Variants in TMEM101 observed in about 807,000 individuals in gnomAD.
TMEM101 encodes the protein putative NF-kappa-B-activating protein 130.
Under a neutral mutation model 26.0 loss-of-function variants are expected in TMEM101, and 14 were observed. The observed-to-expected ratio is 0.54, with a 90% confidence interval of 0.36 to 0.84. The LOEUF is 0.84. Ranked by LOEUF, TMEM101 falls within the 40% of genes least tolerant of loss-of-function variation. TMEM101 has a pLI of 0.01. For missense variants in TMEM101, 292 were observed against 345.1 expected (o/e 0.85, Z 1.22); for synonymous variants, 152 against 145.1 (o/e 1.05, Z -0.34).
chr17:44,019,790 C>A (rs1449931020), upstream of TMEM101, among the ~76,000 whole-genome samples: 1 of 152,176 alleles, frequency 6.6e-6, no homozygotes. Context: ...ATTACAGATA[C>A]AGGGTAAGCA....
rs751987845 is a variant in TMEM101 at position 44,012,540 on chromosome 17, G to A, written c.466-304C>T. On this transcript the variant is annotated intron_variant, in intron 3 of 3. Coordinates refer to ENST00000206380, the MANE Select transcript of TMEM101 (RefSeq NM_032376.4). ...AGAGAGCTGTACAGAGATATACTCGGTAATTAAGATAAGACCTAATGGCCT... is the reference window on the plus strand; with the variant it reads ...AGAGAGCTGTACAGAGATATACTCGATAATTAAGATAAGACCTAATGGCCT... The A allele has an allele frequency of 1.2e-4, 49 of 419,572 alleles. 1 individual carries two copies. The highest frequency in any genetic ancestry group is 1.1e-4 in the Non-Finnish European group (26 of 236,666). 26.0% of individuals were successfully genotyped at this position (419,572 alleles called of 1,614,324 possible).
At position 44,014,935 on chromosome 17, in the gene TMEM101, A is replaced by G. The variant is rs2049211676; in HGVS notation, c.18T>C (p.Gly6=). ...TCAGCTGCAACATCCACCGTCTCGA[A>G]CCTATCTTCGACGCCATCTTGGGAA... MASKI[G]SRRWMLQLIM... The change falls in exon 1 of 4, where the codon GGT becomes GGC. Residue 6 remains glycine, a synonymous_variant. Coordinates refer to ENST00000206380, the MANE Select transcript of TMEM101 (RefSeq NM_032376.4). 3.7e-6 allele frequency: 6 copies of G among 1,612,700 alleles called. No individual in the cohort carries two copies. Among genetic ancestry groups the G allele is most frequent in the Non-Finnish European group, 5.1e-6 (6 of 1,179,242 alleles).
At chr17:44,012,287 T>C (rs2049170908) in intron 3 of TMEM101, 51 bp from the exon 4 acceptor site, 1 of 1,532,804 alleles carries the variant, frequency 6.5e-7, no homozygotes, top group South Asian at 1.2e-5. Context: ...GAAGCCTGTC[T>C]GGGGTAAACC....
chr17:44,021,642 T>A (rs2144040424), intron 1 of TMEM101, among the ~76,000 whole-genome samples: 1 of 152,362 alleles, frequency 6.6e-6, no homozygotes, highest in Admixed American at 6.5e-5. Context: ...CAAATCCCTC[T>A]GGCCTCCTCC....
chr17:44,012,301 CCT>C (rs2049171097), intron 3 of TMEM101, 65 bp from the exon 4 acceptor site: 4 of 1,477,372 alleles, frequency 2.7e-6, no homozygotes, highest in East Asian at 2.3e-5. Flanking sequence ...GTAAACCACC[CCT>C]GAGATGGCAC....
chr17:44,014,796 G>A lies in TMEM101; in HGVS notation c.137+20C>T. 1 of 1,539,832 alleles carries A rather than the reference G, an allele frequency of 6.5e-7. No individual in the cohort carries two copies. Among genetic ancestry groups the A allele is most frequent in the Non-Finnish European group, 8.8e-7 (1 of 1,141,296 alleles). ...ATCACCGCCCCCTGCCGCGTTTAGC[G>A]GCTGCGTAGGCCTGCTCACCGGCGT... On this transcript the variant is annotated intron_variant, in intron 1 of 3. Coordinates refer to ENST00000206380, the MANE Select transcript of TMEM101 (RefSeq NM_032376.4).
chr17:44,016,685 T>C (rs545581108), upstream of TMEM101, among the ~76,000 whole-genome samples: 7 of 152,314 alleles, frequency 4.6e-5, no homozygotes, highest in African/African-American at 1.2e-4. Context: ...CTGCCCAGCA[T>C]TGTAAGAGAA....
At chr17:44,023,021 A>G (rs902159835) in intron 1 of TMEM101, 8 of 287,006 alleles carry the variant, frequency 2.8e-5, no homozygotes, top group African/African-American at 1.4e-4. Context: ...GAAAAGAGAT[A>G]TATATATTTA....
At chr17:44,014,077 G>A (rs947559039) in intron 2 of TMEM101, among the ~76,000 whole-genome samples, 1 of 152,222 alleles carries the variant, frequency 6.6e-6, no homozygotes, top group Non-Finnish European at 1.5e-5. Flanking sequence ...GGAACCAGGT[G>A]ACCGGGGTTC....
Position 44,013,060 on chromosome 17 carries a change from G to A in TMEM101, c.414C>T (p.Arg138=). 6.2e-7 allele frequency: 1 copy of A among 1,609,742 alleles called. No individual in the cohort carries two copies. Among genetic ancestry groups the A allele is most frequent in the Non-Finnish European group, 8.5e-7 (1 of 1,176,718 alleles). Residue 138 remains arginine (R), a synonymous_variant, in exon 3 of 4, where the codon CGC becomes CGT. Transcript: ENST00000206380. ...GELYRRKPRS[R]SLQSTGQVFL... is the part of the protein sequence containing the mutation. ...ACACCTGGCCGGTGGACTGCAGGGAGCGGCTGCGAGGTTTCCGGCGGTACA... is the reference window on the plus strand; with the variant it reads ...ACACCTGGCCGGTGGACTGCAGGGAACGGCTGCGAGGTTTCCGGCGGTACA...
upstream of TMEM101, chr17:44,015,172 TAGACTAG>T (rs2049216502): frequency 1.9e-6 from 1 of 517,298 alleles, no homozygotes; most frequent in African/African-American, 1.9e-5. Flanking sequence ...ATTTGAAAAC[TAGACTAG>T]AGGAAGGAAC....
exon 1 of TMEM101, chr17:44,023,095 G>A (rs947697670): frequency 2.1e-5 from 8 of 379,690 alleles, no homozygotes; most frequent in Non-Finnish European, 3.6e-5. Flanking sequence ...CTCCAGAGTC[G>A]GCCACTCGTC....
chr17:44,022,173 G>T, intron 1 of TMEM101, among the ~76,000 whole-genome samples: 1 of 152,218 alleles, frequency 6.6e-6, no homozygotes, highest in Non-Finnish European at 1.5e-5. Context: ...ATTGGTAGGG[G>T]TTGCAAATTC....
At chr17:44,012,901 A>G in intron 3 of TMEM101, 108 bp downstream of exon 3, 1 of 1,263,712 alleles carries the variant, frequency 7.9e-7, no homozygotes. Flanking sequence ...GCCATCAGGA[A>G]CTGCACTCAG....
chr17:44,015,583 C>T (rs2049222565), upstream of TMEM101, among the ~76,000 whole-genome samples: 1 of 151,974 alleles, frequency 6.6e-6, no homozygotes, highest in Admixed American at 6.6e-5. Context: ...TTAGTAGAGA[C>T]GGAGTTTCAC....
chr17:44,013,683 C>T (rs891733032), intron 2 of TMEM101, among the ~76,000 whole-genome samples: 1 of 152,136 alleles, frequency 6.6e-6, no homozygotes. Flanking sequence ...AAAAAGAAAA[C>T]TGGCAGGTCC....
chr17:44,022,470 C>G (rs551708283), intron 1 of TMEM101, among the ~76,000 whole-genome samples: 5 of 152,232 alleles, frequency 3.3e-5, no homozygotes, highest in Non-Finnish European at 7.3e-5. Context: ...CAGGACCAGT[C>G]TGGAAGTCAG....
chr17:44,015,981 G>C (rs538615247), upstream of TMEM101, among the ~76,000 whole-genome samples: 40 of 152,078 alleles, frequency 2.6e-4, no homozygotes, highest in South Asian at 7.1e-3. Context: ...AGACATCCAG[G>C]TGGTCTCTGC....
chr17:44,012,330 G>T, intron 3 of TMEM101, 94 bp from the exon 4 acceptor site: 1 of 1,221,024 alleles, frequency 8.2e-7, no homozygotes, highest in Non-Finnish European at 1.1e-6. Context: ...ATGAGTCCCT[G>T]CAGATGGGCT....
Sources: allele counts gnomAD v4.1 joint callset (sites outside exome capture counted in the v4.1 genomes callset), GRCh38; gene constraint gnomAD v4.1.1; transcripts MANE v1.5; gene names NCBI Gene and HGNC (gene_info 2026-07-23, HGNC 2026-07-21).